Variants in CSMD1 observed in about 807,000 individuals in gnomAD.
CSMD1 encodes the protein CUB and sushi domain-containing protein 1.
In CSMD1, 213 loss-of-function variants were observed where a neutral mutation model predicts 417.5. The observed-to-expected ratio is 0.51, with a 90% CI of 0.46 to 0.57. CSMD1 has a LOEUF of 0.57. Among genes scored for constraint, CSMD1 ranks in the 20% least tolerant of loss-of-function variants. CSMD1 has a pLI of 0.00. For missense variants in CSMD1, 6,923 were observed against 4,529.7 expected, an observed-to-expected ratio of 1.53 and a Z score of -15.17; for synonymous variants, 2,862 against 1,736.8, an observed-to-expected ratio of 1.65 and a Z score of -16.11.
At chr8:3,398,416 A>C (rs886452221) in intron 16 of CSMD1, among the ~76,000 whole-genome samples, 2 of 152,228 alleles carry the variant, frequency 1.3e-5, no homozygotes, top group African/African-American at 2.4e-5. Flanking sequence ...GTCAGAAGCA[A>C]GTGAAAAAAT....
intron 10 of CSMD1, among the ~76,000 whole-genome samples, chr8:3,548,865 G>A (rs1195631347): frequency 6.6e-6 from 1 of 151,992 alleles, no homozygotes; most frequent in African/African-American, 2.4e-5. Flanking sequence ...CCCTGGGCTG[G>A]GTCCCGCTCC....
intron 52 of CSMD1, among the ~76,000 whole-genome samples, chr8:3,014,541 G>A (rs542047197): frequency 8.5e-5 from 13 of 152,166 alleles, no homozygotes; most frequent in Admixed American, 4.6e-4. Flanking sequence ...CAGCTGATTC[G>A]GATGAAATTC....
At chr8:3,366,857 C>T (rs554948128) in intron 20 of CSMD1, among the ~76,000 whole-genome samples, 175 bp downstream of exon 20, 2 of 152,168 alleles carry the variant, frequency 1.3e-5, no homozygotes, top group Non-Finnish European at 2.9e-5. Flanking sequence ...TGTACTTGCA[C>T]CCTGCTTCGT....
chr8:3,252,398 C>G (rs1800338534), intron 26 of CSMD1, among the ~76,000 whole-genome samples: 1 of 152,186 alleles, frequency 6.6e-6, no homozygotes, highest in Non-Finnish European at 1.5e-5. Flanking sequence ...AGCCTTGCAT[C>G]CCAGGGATGA....
rs553317821 is a variant in CSMD1 at position 3,500,326 on chromosome 8, C to T, written c.1345-6600G>A. 4.6e-5 allele frequency among the ~76,000 whole-genome samples: 7 copies of T among 151,374 alleles called. No individual in the cohort carries two copies. The South Asian group carries it at 1.1e-3, about 23-fold the overall frequency. The stretch of plus-strand genomic sequence containing the variant: ...ACATCTCGATGTCTGCTAAGCTTTG[C>T]ATGACTTTTAGACATTTCTAGATGG... On this transcript the variant is annotated intron_variant, in intron 10 of 69. Coordinates refer to ENST00000635120, the MANE Select transcript of CSMD1 (RefSeq NM_033225.6).
chr8:3,192,301 G>C (rs1302391578), intron 33 of CSMD1, among the ~76,000 whole-genome samples: 1 of 152,126 alleles, frequency 6.6e-6, no homozygotes, highest in African/African-American at 2.4e-5. Context: ...TGAAACGTTT[G>C]GTGTTTCAGG....
At chr8:3,649,134 G>A (rs899364832) in intron 7 of CSMD1, among the ~76,000 whole-genome samples, 3 of 152,116 alleles carry the variant, frequency 2.0e-5, no homozygotes, top group Non-Finnish European at 4.4e-5. Context: ...GTACCATTCA[G>A]TTTACAATGC....
At chr8:3,891,723 G>A (rs191256948) in intron 5 of CSMD1, among the ~76,000 whole-genome samples, 2 of 151,880 alleles carry the variant, frequency 1.3e-5, no homozygotes, top group African/African-American at 2.4e-5. Context: ...CCTAACACTA[G>A]TCTCCCAGGC....
chr8:3,463,489 C>A (rs1816633536), intron 12 of CSMD1, among the ~76,000 whole-genome samples: 1 of 152,210 alleles, frequency 6.6e-6, no homozygotes, highest in Admixed American at 6.5e-5. Flanking sequence ...CCTGCAGCTT[C>A]ACCTTCTCTT....
At chr8:4,830,644 C>T (rs775023154) in intron 1 of CSMD1, among the ~76,000 whole-genome samples, 2 of 152,172 alleles carry the variant, frequency 1.3e-5, no homozygotes, top group Admixed American at 1.3e-4. Flanking sequence ...TTTTTTATTG[C>T]TAAGAGGTCA....
intron 10 of CSMD1, among the ~76,000 whole-genome samples, chr8:3,504,221 A>G (rs1796728819): frequency 6.7e-6 from 1 of 148,936 alleles, no homozygotes; most frequent in Admixed American, 6.8e-5. Context: ...AACAGGTACA[A>G]TTATTATGTA....
At chr8:3,523,703 G>C (rs1372674872) in intron 10 of CSMD1, among the ~76,000 whole-genome samples, 3 of 146,074 alleles carry the variant, frequency 2.1e-5, no homozygotes, top group Non-Finnish European at 4.5e-5. Context: ...ATGCACACAT[G>C]TGCATGCACA....
At chr8:3,987,220 G>A (rs142553367) in intron 5 of CSMD1, among the ~76,000 whole-genome samples, 1,659 of 150,874 alleles carry the variant, frequency 0.011, 69 homozygotes, top group Admixed American at 0.077. Flanking sequence ...ACAGCAGCAC[G>A]CACTCTTCCT....
intron 10 of CSMD1, among the ~76,000 whole-genome samples, chr8:3,503,692 C>G (rs77476036): frequency 0.014 from 2,192 of 152,312 alleles, 20 homozygotes; most frequent in Non-Finnish European, 0.023. Context: ...GCTAAAGAAG[C>G]TGGATGTCCC....
intron 19 of CSMD1, among the ~76,000 whole-genome samples, chr8:3,368,319 G>A (rs1488524657): frequency 4.6e-5 from 7 of 152,076 alleles, no homozygotes; most frequent in East Asian, 1.9e-4. Context: ...TTATGTGATC[G>A]AAATTCCAAA....
At position 4,036,605 on chromosome 8, in the gene CSMD1, G is replaced by C. The variant is rs7012331; in HGVS notation, c.416-4506C>G. ...GGTATTTTTAATAGGGAAAAATTAA[G>C]GCAGATGTTAGAAGCAGCGGATGTC... On this transcript the variant is annotated intron_variant, in intron 3 of 69. Transcript: ENST00000635120. 3.5e-3 allele frequency among the ~76,000 whole-genome samples: 540 copies of C among 152,272 alleles called. 2 individuals are homozygous for C. The highest frequency in any genetic ancestry group is 0.012 in the African/African-American group (485 of 41,546).
chr8:3,069,273 A>G (rs1813166262), intron 49 of CSMD1, among the ~76,000 whole-genome samples: 2 of 152,002 alleles, frequency 1.3e-5, no homozygotes, highest in South Asian at 4.2e-4. Flanking sequence ...TGTCGCTACT[A>G]AAAATACAAA....
chr8:3,182,469 C>A (rs1437326987), intron 36 of CSMD1, among the ~76,000 whole-genome samples: 1 of 152,082 alleles, frequency 6.6e-6, no homozygotes, highest in Non-Finnish European at 1.5e-5. Context: ...CTTGCCTCGG[C>A]CTCCCAAAGT....
At chr8:4,595,387 C>CTTTTTTTTTTTTTT in intron 2 of CSMD1, among the ~76,000 whole-genome samples, 17 of 147,340 alleles carry the variant, frequency 1.2e-4, no homozygotes, top group Non-Finnish European at 1.7e-4. Flanking sequence ...CATTCATTTT[C>CTTTTTTTTTTTTTT]ATTCCATCCA....
Sources: allele counts gnomAD v4.1 joint callset (sites outside exome capture counted in the v4.1 genomes callset), GRCh38; gene constraint gnomAD v4.1.1; transcripts MANE v1.5; gene names NCBI Gene and HGNC (gene_info 2026-07-23, HGNC 2026-07-21).